Variants in CPNE4 observed in about 807,000 individuals in gnomAD.
CPNE4 encodes the protein copine 4.
CPNE4 carries 25 observed loss-of-function variants against 67.9 expected under a neutral mutation model. The observed-to-expected ratio is 0.37, with a 90% CI of 0.27 to 0.51. The LOEUF (loss-of-function observed/expected upper bound fraction) is 0.51, where lower values mean the gene tolerates loss of function less well. Ranked by LOEUF, CPNE4 falls within the 20% of genes least tolerant of loss-of-function variation. The pLI, the probability that CPNE4 is intolerant of heterozygous loss-of-function variation, is 0.93. For missense variants in CPNE4, 464 were observed against 690.8 expected, an observed-to-expected ratio of 0.67 and a Z score of 3.68; for synonymous variants, 242 against 244.9, an observed-to-expected ratio of 0.99 and a Z score of 0.11.
intron 5 of CPNE4, among the ~76,000 whole-genome samples, chr3:131,690,180 A>C (rs958673716): frequency 2.6e-5 from 4 of 152,220 alleles, no homozygotes; most frequent in African/African-American, 9.6e-5. Context: ...ACAGAATTAG[A>C]AAAAGCTATT....
At chr3:131,661,362 TATAAG>T (rs2080119793) in intron 7 of CPNE4, among the ~76,000 whole-genome samples, 1 of 152,220 alleles carries the variant, frequency 6.6e-6, no homozygotes, top group Non-Finnish European at 1.5e-5. Flanking sequence ...TCACCTGTAA[TATAAG>T]ATGATAATGT....
intron 1 of CPNE4, among the ~76,000 whole-genome samples, chr3:131,930,094 T>C (rs1004358012): frequency 5.3e-5 from 8 of 152,178 alleles, no homozygotes; most frequent in Non-Finnish European, 1.2e-4. Flanking sequence ...ATAGTCATGT[T>C]AAAGTATTGG....
intron 1 of CPNE4, among the ~76,000 whole-genome samples, chr3:131,916,348 A>G (rs914338418): frequency 5.0e-5 from 1 of 19,832 alleles, no homozygotes; most frequent in Admixed American, 9.5e-4. Flanking sequence ...TTCCAGTTAG[A>G]AAAAAAAAAA....
intron 1 of CPNE4, among the ~76,000 whole-genome samples, chr3:131,931,647 T>C (rs770998021): frequency 6.6e-6 from 1 of 152,072 alleles, no homozygotes; most frequent in Non-Finnish European, 1.5e-5. Flanking sequence ...CCCTCCCCCA[T>C]TTCATCCCTG....
chr3:131,775,495 T>A (rs1486732648), intron 2 of CPNE4, among the ~76,000 whole-genome samples: 1 of 152,078 alleles, frequency 6.6e-6, no homozygotes, highest in African/African-American at 2.4e-5. Context: ...CCAATTCCCA[T>A]GTGTTATGGG....
intron 1 of CPNE4, among the ~76,000 whole-genome samples, chr3:132,000,208 AC>A (rs2073396384): frequency 6.6e-6 from 1 of 151,994 alleles, no homozygotes; most frequent in Non-Finnish European, 1.5e-5. Context: ...AGGAAGGAAG[AC>A]CCTGTCAAGA....
chr3:131,958,822 C>CTAATTTTTTG (rs2072069146), intron 1 of CPNE4, among the ~76,000 whole-genome samples: 1 of 151,312 alleles, frequency 6.6e-6, no homozygotes, highest in African/African-American at 2.4e-5. Context: ...CCACGCCCAG[C>CTAATTTTTTG]TAATTTTTTG....
chr3:131,781,139 C>T (rs576756124), intron 2 of CPNE4, among the ~76,000 whole-genome samples: 4 of 152,008 alleles, frequency 2.6e-5, no homozygotes, highest in Non-Finnish European at 5.9e-5. Context: ...TGTCAGTAAA[C>T]CCGGGTATGG....
rs2086098867 is a variant in CPNE4, at chr3:131,848,657, A to AT, written c.180+56606dup. Reference sequence around the variant, plus strand: ...ATTTTCTTAGGTGATTAGTAATTAAATGTGCATCCAAAAAAAAAAAAAAAA... The same window carrying AT: ...ATTTTCTTAGGTGATTAGTAATTAAATTGTGCATCCAAAAAAAAAAAAAAAA... On this transcript the variant is annotated intron_variant, in intron 2 of 15. Coordinates refer to ENST00000429747, the MANE Select transcript of CPNE4 (RefSeq NM_130808.3). Among the ~76,000 whole-genome samples the AT allele has an allele frequency of 7.5e-5, 8 of 106,436 alleles. No individual in the cohort carries two copies. The South Asian group carries it at 3.4e-3, about 45-fold the overall frequency. 69.8% of individuals were successfully genotyped at this position (106,436 alleles called of 152,430 possible). A position where few individuals can be genotyped will look rare whatever the true frequency, so the allele number is the denominator to read the frequency against.
intron 11 of CPNE4, among the ~76,000 whole-genome samples, chr3:131,562,649 GT>G (rs1392131747): frequency 6.6e-6 from 1 of 151,954 alleles, no homozygotes; most frequent in East Asian, 1.9e-4. Context: ...GAAAATTCTT[GT>G]TTTTGTGTCT....
chr3:131,789,033 C>CAGAGAGAG (rs1253711177), intron 2 of CPNE4, among the ~76,000 whole-genome samples: 4 of 144,238 alleles, frequency 2.8e-5, no homozygotes, highest in African/African-American at 8.0e-5. Flanking sequence ...CACACACACA[C>CAGAGAGAG]ACAGAGAGAG....
Position 131,992,934 on chromosome 3 carries a change from G to T in CPNE4, c.-2+41633C>A, listed in dbSNP as rs550131975. On this transcript the variant is annotated intron_variant, in intron 1 of 15. Transcript: ENST00000429747. ...ATTTGCTTCCCCTTCTGCCATGATT[G>T]TAAGTTTCCTGAGGCCTCCTTAGCC... is the stretch of plus-strand genomic sequence containing the variant. Among the ~76,000 whole-genome samples, 36 of 136,174 alleles carry T rather than the reference G, an allele frequency of 2.6e-4. 2 individuals carry two copies. The highest frequency in any genetic ancestry group is 8.1e-4 in the African/African-American group (33 of 40,764). The allele number at this position is 136,174 out of a possible 152,430, so 89.3% of individuals were successfully genotyped here.
intron 2 of CPNE4, among the ~76,000 whole-genome samples, chr3:131,771,675 C>A (rs898662406): frequency 6.6e-6 from 1 of 152,042 alleles, no homozygotes; most frequent in Non-Finnish European, 1.5e-5. Flanking sequence ...CCAAATAAAC[C>A]TGTTTTCTTT....
chr3:131,932,336 G>T (rs1459378722), intron 1 of CPNE4, among the ~76,000 whole-genome samples: 1 of 152,060 alleles, frequency 6.6e-6, no homozygotes, highest in Admixed American at 6.6e-5. Context: ...GTCAAAGTGA[G>T]CCCAGCCTGG....
chr3:132,005,470 A>G (rs896597388), intron 1 of CPNE4, among the ~76,000 whole-genome samples: 1 of 151,366 alleles, frequency 6.6e-6, no homozygotes, highest in African/African-American at 2.4e-5. Flanking sequence ...CTTTTTCTCC[A>G]TCTGTTCACC....
chr3:131,598,830 T>G (rs1487952980), intron 7 of CPNE4, among the ~76,000 whole-genome samples: 1 of 144,322 alleles, frequency 6.9e-6, no homozygotes, highest in Non-Finnish European at 1.5e-5. Context: ...TAATAGACAC[T>G]CTTTAAAATT....
chr3:131,696,491 G>T, intron 5 of CPNE4, 51 bp downstream of exon 5: 1 of 1,516,624 alleles, frequency 6.6e-7, no homozygotes, highest in Non-Finnish European at 9.1e-7. Flanking sequence ...TGATTAAACT[G>T]TGTGCTAGCT....
intron 1 of CPNE4, among the ~76,000 whole-genome samples, chr3:131,916,347 G>GAAA (rs35520224): frequency 2.5e-5 from 3 of 117,772 alleles, no homozygotes; most frequent in Non-Finnish European, 3.6e-5. Flanking sequence ...TTTCCAGTTA[G>GAAA]AAAAAAAAAA....
chr3:131,548,280 C>T (rs558878611), intron 14 of CPNE4, among the ~76,000 whole-genome samples: 5 of 151,876 alleles, frequency 3.3e-5, no homozygotes, highest in East Asian at 1.9e-4. Flanking sequence ...GCTTTATATG[C>T]GTTCTTTAAG....
Sources: allele counts gnomAD v4.1 joint callset (sites outside exome capture counted in the v4.1 genomes callset), GRCh38; gene constraint gnomAD v4.1.1; transcripts MANE v1.5; gene names NCBI Gene and HGNC (gene_info 2026-07-23, HGNC 2026-07-21).